The following LATS2 variants were observed in gnomAD, a reference collection of about 807,000 sequenced individuals.
LATS2 encodes large tumor suppressor kinase 2, also known as serine/threonine-protein kinase LATS2.
In LATS2, 24 loss-of-function variants were observed where a neutral mutation model predicts 76.0. That is an observed-to-expected ratio of 0.32 (90% CI 0.23 to 0.44). LATS2 has a LOEUF of 0.44. Ranked by LOEUF, LATS2 falls within the 20% of genes least tolerant of loss-of-function variation. The pLI is 1.00. For missense variants in LATS2, 1,286 were observed against 1,481.2 expected (o/e 0.87, Z 2.16); for synonymous variants, 692 against 635.4 (o/e 1.09, Z -1.34).
chr13:21,014,482 A>G (rs1839906797), intron 2 of LATS2, among the ~76,000 whole-genome samples: 1 of 152,222 alleles, frequency 6.6e-6, no homozygotes, highest in African/African-American at 2.4e-5. Flanking sequence ...ACTGCCATAA[A>G]GGAAGTATTT....
At position 20,991,464 on chromosome 13, in the gene LATS2, C is replaced by T. The variant is rs980388095; in HGVS notation, c.343-60G>A. 1.9e-6 allele frequency: 3 copies of T among 1,598,532 alleles called. No individual in the cohort carries two copies. The highest frequency in any genetic ancestry group is 1.3e-5 in the African/African-American group (1 of 74,826). On this transcript the variant is annotated intron_variant, in intron 2 of 7. Transcript: ENST00000382592. The surrounding 1 kb of genome is among the most constrained non-coding windows in gnomAD (Gnocchi z 4.9). ...CATCCTAAAACAAAGCCACCAAAGA[C>T]TCCCATCCCCACTCCGTGCTGGACT...
At chr13:21,060,910 T>A (rs71423783) in intron 1 of LATS2, among the ~76,000 whole-genome samples, 3 of 150,888 alleles carry the variant, frequency 2.0e-5, no homozygotes, top group Admixed American at 2.0e-4. Context: ...GAAAAGCCGA[T>A]CCCCCGGAGA....
At chr13:21,009,193 A>AATG (rs1871475909) in intron 2 of LATS2, among the ~76,000 whole-genome samples, 1 of 152,054 alleles carries the variant, frequency 6.6e-6, no homozygotes, top group East Asian at 1.9e-4. Flanking sequence ...ATGAATGAAT[A>AATG]AAGAAGCAGA....
At position 21,043,335 on chromosome 13, in the gene LATS2, TA is replaced by T. The variant is rs879375520; in HGVS notation, c.342+2349del. Among the ~76,000 whole-genome samples, 1,400 of 142,036 alleles carry T rather than the reference TA, an allele frequency of 9.9e-3. 11 individuals carry two copies. Among genetic ancestry groups the T allele is most frequent in the African/African-American group, 0.03 (1,152 of 38,696 alleles). The allele number at this position is 142,036 out of a possible 152,430, so 93.2% of individuals were successfully genotyped here. On this transcript the variant is annotated intron_variant, in intron 2 of 7. Coordinates refer to ENST00000382592, the MANE Select transcript of LATS2 (RefSeq NM_014572.3). ...CTGGGCAACAGAGCAAGACACCGTC[TA>T]AAAAAAAAAAAGAACTCTATTATAC...
intron 7 of LATS2, among the ~76,000 whole-genome samples, chr13:20,978,398 A>G (rs775410514): frequency 5.3e-5 from 8 of 152,106 alleles, no homozygotes; most frequent in Non-Finnish European, 1.0e-4. Flanking sequence ...TTAGTAACTC[A>G]TTTCAGAAAG....
rs1216148502 is a variant in LATS2, at chr13:20,991,508, T to G, written c.343-104A>C. The G allele has an allele frequency of 7.5e-7, 1 of 1,328,954 alleles. No individual in the cohort carries two copies. Among genetic ancestry groups the G allele is most frequent in the African/African-American group, 1.4e-5 (1 of 69,576 alleles). 82.3% of individuals were successfully genotyped at this position (1,328,954 alleles called of 1,614,324 possible). A position where few individuals can be genotyped will look rare whatever the true frequency, so the allele number is the denominator to read the frequency against. On this transcript the variant is annotated intron_variant, in intron 2 of 7. Coordinates refer to ENST00000382592, the MANE Select transcript of LATS2 (RefSeq NM_014572.3). The surrounding 1 kb of genome is among the most constrained non-coding windows in gnomAD (Gnocchi z 4.9). The stretch of plus-strand genomic sequence containing the variant: ...CTGGACTGTGCTGGGACACTTCGCC[T>G]CTGTACTGCTGAGAACCTGCGATAT...
intron 1 of LATS2, among the ~76,000 whole-genome samples, chr13:21,047,366 A>T (rs1873110201): frequency 6.6e-6 from 1 of 151,974 alleles, no homozygotes; most frequent in Non-Finnish European, 1.5e-5. Flanking sequence ...AACACACAAC[A>T]TCCTCCCTAT....
Position 20,998,181 on chromosome 13 carries a change from G to A in LATS2, c.343-6777C>T, listed in dbSNP as rs551504920. Reference sequence around the variant, plus strand: ...TTCAAGACCAGCCTGGGCAAGACCCGCATGTTTGTAAAAAGTGAGAAAATT... The same window carrying A: ...TTCAAGACCAGCCTGGGCAAGACCCACATGTTTGTAAAAAGTGAGAAAATT... On this transcript the variant is annotated intron_variant, in intron 2 of 7. Transcript: ENST00000382592. Among the ~76,000 whole-genome samples the A allele has an allele frequency of 5.9e-5, 9 of 151,986 alleles. No individual in the cohort carries two copies. The East Asian group carries it at 1.6e-3, about 26-fold the overall frequency.
intron 1 of LATS2, among the ~76,000 whole-genome samples, chr13:21,054,734 T>TAAACAGA (rs1555228445): frequency 0.12 from 18,428 of 152,116 alleles, 1,424 homozygotes; most frequent in African/African-American, 0.22. Context: ...GCCGTGTCCC[T>TAAACAGA]AGCCAGATCA....
At chr13:21,042,763 C>T (rs1253759001) in intron 2 of LATS2, among the ~76,000 whole-genome samples, 3 of 151,786 alleles carry the variant, frequency 2.0e-5, no homozygotes, top group Non-Finnish European at 4.4e-5. Context: ...CCTAAGAGGG[C>T]GGATCACAAG....
intron 2 of LATS2, among the ~76,000 whole-genome samples, chr13:21,025,390 C>T (rs1872270252): frequency 8.1e-6 from 1 of 122,706 alleles, no homozygotes; most frequent in Admixed American, 8.1e-5. Flanking sequence ...GAGACTCCGT[C>T]TCCAAAAAAA....
At position 20,975,147 on chromosome 13, in the gene LATS2, A is replaced by G; in HGVS notation, c.2990T>C (p.Met997Thr). 6.2e-7 allele frequency: 1 copy of G among 1,614,160 alleles called. No individual in the cohort carries two copies. The highest frequency in any genetic ancestry group is 2.2e-5 in the East Asian group (1 of 44,878). ...TACGGGGTCGAAATTCGAGGTGTCC[A>G]TGGGGTGGCTGATGGTGGGAACGTA... Reference protein sequence around the residue: ...APYVPTISHPMDTSNFDPVDE... With the variant: ...APYVPTISHPTDTSNFDPVDE... The change falls in exon 8 of 8, where the codon ATG (methionine) becomes ACG (threonine). Residue 997 changes from methionine to threonine, a missense_variant. Physicochemically the swap from Met to Thr is moderately conservative, Grantham distance 81. Coordinates refer to ENST00000382592, the MANE Select transcript of LATS2 (RefSeq NM_014572.3).
intron 7 of LATS2, 45 bp from the exon 8 acceptor site, chr13:20,975,409 T>C: frequency 1.3e-6 from 2 of 1,513,286 alleles, no homozygotes; most frequent in East Asian, 2.3e-5. Context: ...CCTCACATCT[T>C]GGGCAGTTCT....
At chr13:21,007,585 A>T (rs1180286470) in intron 2 of LATS2, among the ~76,000 whole-genome samples, 1 of 15,874 alleles carries the variant, frequency 6.3e-5, no homozygotes, top group Non-Finnish European at 8.7e-5. Flanking sequence ...ATATATATAT[A>T]TAGTATATAT....
intron 7 of LATS2, among the ~76,000 whole-genome samples, chr13:20,978,716 G>C (rs1252857795): frequency 6.6e-6 from 1 of 152,060 alleles, no homozygotes; most frequent in East Asian, 1.9e-4. Flanking sequence ...AGACCTTTAT[G>C]ATGATCCACT....
chr13:21,028,631 C>T (rs1033628973), intron 2 of LATS2, among the ~76,000 whole-genome samples: 33 of 152,110 alleles, frequency 2.2e-4, no homozygotes, highest in African/African-American at 7.2e-4. Context: ...AGTGCAGTAG[C>T]GCGATCTTGA....
intron 1 of LATS2, among the ~76,000 whole-genome samples, chr13:21,058,130 T>C (rs1873507096): frequency 6.6e-6 from 1 of 152,260 alleles, no homozygotes; most frequent in South Asian, 2.1e-4. Flanking sequence ...TACCCTTCTT[T>C]CTGATCATCA....
intron 4 of LATS2, among the ~76,000 whole-genome samples, chr13:20,986,037 T>C (rs1595213629): frequency 6.6e-6 from 1 of 151,960 alleles, no homozygotes; most frequent in East Asian, 1.9e-4. Flanking sequence ...AGAGCGAAAC[T>C]CTGTCTCAAA....
chr13:20,989,242 A>G lies in LATS2; in HGVS notation c.538T>C (p.Phe180Leu), dbSNP rs781132546. Residue 180 changes from phenylalanine to leucine, a missense_variant, in exon 4 of 8, where the codon TTT becomes CTT. Coordinates refer to ENST00000382592, the MANE Select transcript of LATS2 (RefSeq NM_014572.3). Reference sequence around the variant, plus strand: ...CCGCTCAGCTGGTGGTAGGACGCAAACGAATCGCCGGTTCCTTCGAAGCTG... The same window carrying G: ...CCGCTCAGCTGGTGGTAGGACGCAAGCGAATCGCCGGTTCCTTCGAAGCTG... Reference protein sequence around the residue: ...RPSFEGTGDSFASYHQLSGTP... With the variant: ...RPSFEGTGDSLASYHQLSGTP... 1 of 1,613,960 alleles carries G rather than the reference A, an allele frequency of 6.2e-7. No homozygotes were observed. Among genetic ancestry groups the G allele is most frequent in the South Asian group, 1.1e-5 (1 of 91,088 alleles).
Sources: allele counts gnomAD v4.1 joint callset (sites outside exome capture counted in the v4.1 genomes callset), GRCh38; gene constraint gnomAD v4.1.1; non-coding constraint Gnocchi (gnomAD v3.1); transcripts MANE v1.5; gene names NCBI Gene and HGNC (gene_info 2026-07-23, HGNC 2026-07-21).